The following XYLT1 variants were observed in gnomAD, a reference collection of about 807,000 sequenced individuals.
XYLT1 encodes beta-D-xylosyltransferase 1.
In XYLT1, 36 loss-of-function variants were observed where a neutral mutation model predicts 91.3. The observed-to-expected ratio is 0.39, with a 90% confidence interval of 0.30 to 0.52. The LOEUF is 0.52. Ranked by LOEUF, XYLT1 falls within the 20% of genes least tolerant of loss-of-function variation. The pLI is 0.68. For synonymous variants in XYLT1, 588 were observed against 532.0 expected (o/e 1.11, Z -1.45); for missense variants, 1,242 against 1,284.5 (o/e 0.97, Z 0.51).
intron 8 of XYLT1, among the ~76,000 whole-genome samples, chr16:17,137,304 G>C (rs2030770148): frequency 6.6e-6 from 1 of 152,128 alleles, no homozygotes; most frequent in African/African-American, 2.4e-5. Context: ...TGCCCACACA[G>C]CCCGGCACAG....
intron 1 of XYLT1, among the ~76,000 whole-genome samples, chr16:17,469,595 G>C (rs2036950538): frequency 6.6e-6 from 1 of 152,116 alleles, no homozygotes; most frequent in Non-Finnish European, 1.5e-5. Flanking sequence ...CCAGATCTGC[G>C]GAAAAAACAG....
In XYLT1 at chr16:17,312,555, T is replaced by A. The variant is rs1355341174; in HGVS notation, c.402+45457A>T. 1.3e-5 allele frequency among the ~76,000 whole-genome samples: 2 copies of A among 152,178 alleles called. No individual in the cohort carries two copies. Among genetic ancestry groups the A allele is most frequent in the Non-Finnish European group, 2.9e-5 (2 of 68,030 alleles). ...CACCCAGCTTCCCCCAATGGTGACA[T>A]CTTATGTAACTGCAGTGCAATATTA... is the stretch of plus-strand genomic sequence containing the variant. On this transcript the variant is annotated intron_variant, in intron 2 of 11. Transcript: ENST00000261381. The surrounding 1 kb of genome is among the most constrained non-coding windows in gnomAD (Gnocchi z 4.4).
At chr16:17,407,359 C>A (rs533707527) in intron 1 of XYLT1, among the ~76,000 whole-genome samples, 3 of 152,032 alleles carry the variant, frequency 2.0e-5, no homozygotes, top group Admixed American at 1.3e-4. Flanking sequence ...TATAACACAG[C>A]GTTATTTTTA....
chr16:17,169,092 G>A (rs1008945379), intron 5 of XYLT1, among the ~76,000 whole-genome samples: 2 of 152,234 alleles, frequency 1.3e-5, no homozygotes, highest in Admixed American at 6.5e-5. Context: ...AAACGCCTGG[G>A]ACAGGAGTGG....
chr16:17,366,686 C>A (rs911920130), intron 1 of XYLT1, among the ~76,000 whole-genome samples: 2 of 152,140 alleles, frequency 1.3e-5, no homozygotes, highest in African/African-American at 4.8e-5. Flanking sequence ...CAGACTGGGA[C>A]CGTGTCTTAA....
intron 1 of XYLT1, among the ~76,000 whole-genome samples, chr16:17,404,823 G>A (rs1468912692): frequency 6.6e-6 from 1 of 152,154 alleles, no homozygotes; most frequent in Non-Finnish European, 1.5e-5. Context: ...ATTCACAAAA[G>A]GCATGCAAAC....
chr16:17,177,307 C>T (rs2031967206), intron 5 of XYLT1, among the ~76,000 whole-genome samples: 1 of 152,138 alleles, frequency 6.6e-6, no homozygotes, highest in Non-Finnish European at 1.5e-5. Flanking sequence ...AGTGAGATTG[C>T]TTGAGACGTG....
At chr16:17,261,083 C>T (rs1021787818) in intron 2 of XYLT1, among the ~76,000 whole-genome samples, 3 of 151,886 alleles carry the variant, frequency 2.0e-5, no homozygotes, top group Non-Finnish European at 4.4e-5. Flanking sequence ...ATAACACACA[C>T]ACACAAAAAA....
chr16:17,139,588 A>C (rs2030900019), intron 7 of XYLT1, among the ~76,000 whole-genome samples: 1 of 152,156 alleles, frequency 6.6e-6, no homozygotes, highest in Non-Finnish European at 1.5e-5. Flanking sequence ...CCTTCCTGTG[A>C]CACTAAATGA....
At position 17,138,433 on chromosome 16, in the gene XYLT1, C is replaced by T. The variant is rs143303539; in HGVS notation, c.1686G>A (p.Lys562=). ...AGTCCACGATGTGCTTGTACTGGCACTTGCAGCCCAGCTTGCGATTCCAGT... is the reference window on the plus strand; with the variant it reads ...AGTCCACGATGTGCTTGTACTGGCATTTGCAGCCCAGCTTGCGATTCCAGT... ...ITNWNRKLGC[K]CQYKHIVDWC... is the part of the protein sequence containing the mutation. Residue 562 remains lysine (K), a synonymous_variant, in exon 8 of 12, where the codon AAG becomes AAA. Coordinates refer to ENST00000261381, the MANE Select transcript of XYLT1 (RefSeq NM_022166.4). 15 of 1,614,176 alleles carry T rather than the reference C, an allele frequency of 9.3e-6. No individual in the cohort carries two copies. In the African/African-American group the frequency reaches 2.0e-4, roughly 22 times the overall value.
chr16:17,452,682 G>A (rs751223060), intron 1 of XYLT1, among the ~76,000 whole-genome samples: 13 of 152,030 alleles, frequency 8.6e-5, no homozygotes, highest in South Asian at 2.1e-4. Flanking sequence ...ATTTCTATGC[G>A]ATTGTCTTTT....
chr16:17,271,570 G>A lies in XYLT1; in HGVS notation c.403-12072C>T, dbSNP rs201260053. On this transcript the variant is annotated intron_variant, in intron 2 of 11. Coordinates refer to ENST00000261381, the MANE Select transcript of XYLT1 (RefSeq NM_022166.4). ...GGCAGGGTTTCTCAAGGACAGCGCT[G>A]TTGACATTTGGGGCTGGATAACTCT... Among the ~76,000 whole-genome samples, 15 of 152,206 alleles carry A rather than the reference G, an allele frequency of 9.9e-5. No homozygotes were observed. The East Asian group carries it at 2.5e-3, about 25-fold the overall frequency.
At position 17,104,294 on chromosome 16, in the gene XYLT1, A is replaced by G. The variant is rs1966746117; in HGVS notation, c.*4401T>C. ...TTTCGGCCTGGTTTGATGGAGTCCC[A>G]CAAGCTGTAGCCCCAGGCAGATGTG... On this transcript the variant is annotated 3_prime_UTR_variant, in exon 12 of 12. Transcript: ENST00000261381. 6.6e-6 allele frequency: 1 copy of G among 152,372 alleles called. No individual in the cohort carries two copies. Among genetic ancestry groups the G allele is most frequent in the Non-Finnish European group, 1.5e-5 (1 of 68,142 alleles). The allele number at this position is 152,372 out of a possible 1,614,324, so 9.4% of individuals were successfully genotyped here. A position where few individuals can be genotyped will look rare whatever the true frequency, so the allele number is the denominator to read the frequency against.
chr16:17,255,274 C>T (rs1448008615), intron 3 of XYLT1, among the ~76,000 whole-genome samples: 2 of 152,174 alleles, frequency 1.3e-5, no homozygotes, highest in Non-Finnish European at 2.9e-5. Context: ...GCTGGGATTA[C>T]AGGCATGAAC....
Position 17,108,536 on chromosome 16 carries a change from C to A in XYLT1, c.*159G>T. ...AAAGGCAGGTTGTTGGCTGATCCTG[C>A]TTTGACCTGCTGACCTTCCCTTTCC... On this transcript the variant is annotated 3_prime_UTR_variant, in exon 12 of 12. Coordinates refer to ENST00000261381, the MANE Select transcript of XYLT1 (RefSeq NM_022166.4). 3 of 746,258 alleles carry A rather than the reference C, an allele frequency of 4.0e-6. No homozygotes were observed. Among genetic ancestry groups the A allele is most frequent in the Non-Finnish European group, 6.2e-6 (3 of 486,720 alleles). 46.2% of individuals were successfully genotyped at this position (746,258 alleles called of 1,614,324 possible). A position where few individuals can be genotyped will look rare whatever the true frequency, so the allele number is the denominator to read the frequency against.
chr16:17,444,984 T>C (rs2036574923), intron 1 of XYLT1, among the ~76,000 whole-genome samples: 1 of 151,946 alleles, frequency 6.6e-6, no homozygotes, highest in Non-Finnish European at 1.5e-5. Flanking sequence ...GTTAGAAGAG[T>C]GAATGGATGA....
intron 1 of XYLT1, among the ~76,000 whole-genome samples, chr16:17,387,642 C>A (rs997614421): frequency 6.6e-6 from 1 of 152,114 alleles, no homozygotes; most frequent in South Asian, 2.1e-4. Flanking sequence ...GCAAGGGAAC[C>A]GCTGCTACCC....
In XYLT1 at chr16:17,113,716, G is replaced by GAGTT. The variant is rs1966846801; in HGVS notation, c.2557+3926_2557+3929dup. On this transcript the variant is annotated intron_variant, in intron 11 of 11. Transcript: ENST00000261381. The stretch of plus-strand genomic sequence containing the variant: ...AGAATCTGAACAGACAGGGCTTGCT[G>GAGTT]AGTTAGGTCAGACCCTTTTTGTCCA... Among the ~76,000 whole-genome samples, 3 of 152,204 alleles carry GAGTT rather than the reference G, an allele frequency of 2.0e-5. No individual in the cohort carries two copies. In the South Asian group the frequency reaches 6.2e-4, roughly 32 times the overall value.
At chr16:17,209,079 G>A (rs1200722461) in intron 3 of XYLT1, among the ~76,000 whole-genome samples, 2 of 152,084 alleles carry the variant, frequency 1.3e-5, no homozygotes, top group Non-Finnish European at 2.9e-5. Flanking sequence ...TTACACTGTT[G>A]TGCAACTATT....
Sources: gnomAD v4.1 joint callset for allele counts (sites outside exome capture counted in the v4.1 genomes callset) on GRCh38, gnomAD v4.1.1 for gene constraint, Gnocchi (gnomAD v3.1) non-coding constraint, MANE v1.5 for transcripts, NCBI Gene and HGNC (gene_info 2026-07-23, HGNC 2026-07-21) for gene names.